ZNHIT6: variants seen among roughly 807,000 people sequenced by gnomAD.
ZNHIT6 encodes the protein box C/D snoRNA protein 1.
In ZNHIT6, 45 loss-of-function variants were observed where a neutral mutation model predicts 57.2. The observed-to-expected ratio is 0.79, with a 90% CI of 0.62 to 1.01. The LOEUF (loss-of-function observed/expected upper bound fraction) is 1.01. Ranked by LOEUF, ZNHIT6 falls within the 50% of genes least tolerant of loss-of-function variation. The probability of loss-of-function intolerance (pLI) is 0.00; values close to 1 mark genes in which losing one functional copy is unlikely to be tolerated. For synonymous variants in ZNHIT6, 188 were observed against 190.0 expected (o/e 0.99, Z 0.09); for missense variants, 528 against 567.3 (o/e 0.93, Z 0.70).
intron 8 of ZNHIT6, among the ~76,000 whole-genome samples, chr1:85,670,632 T>G (rs1360272439): frequency 6.6e-6 from 1 of 152,202 alleles, no homozygotes; most frequent in Non-Finnish European, 1.5e-5. Context: ...ATAAGTCAAA[T>G]TTATAGAAAC....
chr1:85,663,919 G>T (rs1488170856), intron 8 of ZNHIT6, among the ~76,000 whole-genome samples: 1 of 127,048 alleles, frequency 7.9e-6, no homozygotes, highest in East Asian at 2.4e-4. Flanking sequence ...CGGTGTAGGT[G>T]ATCCGTCTCT....
At chr1:85,660,081 A>G (rs1661182859) in intron 8 of ZNHIT6, among the ~76,000 whole-genome samples, 1 of 152,196 alleles carries the variant, frequency 6.6e-6, no homozygotes, top group Non-Finnish European at 1.5e-5. Flanking sequence ...TCTTTTAAAC[A>G]TTATTTCTCT....
At chr1:85,667,961 A>AAAAAAAAAAAAAAAAAAAAT in intron 8 of ZNHIT6, among the ~76,000 whole-genome samples, 4 of 18,202 alleles carry the variant, frequency 2.2e-4, no homozygotes, top group Non-Finnish European at 3.0e-4. Context: ...AAAAAAAAAA[A>AAAAAAAAAAAAAAAAAAAAT]ATATATATAT....
At chr1:85,667,961 A>AAAAAAAAAAAAATATATATATATATAT in intron 8 of ZNHIT6, among the ~76,000 whole-genome samples, 2 of 18,200 alleles carry the variant, frequency 1.1e-4, no homozygotes, top group African/African-American at 2.1e-4. Flanking sequence ...AAAAAAAAAA[A>AAAAAAAAAAAAATATATATATATATAT]ATATATATAT....
intron 5 of ZNHIT6, among the ~76,000 whole-genome samples, chr1:85,681,608 C>A (rs1407405410): frequency 6.6e-6 from 1 of 152,150 alleles, no homozygotes; most frequent in Non-Finnish European, 1.5e-5. Flanking sequence ...GAAGAAATTT[C>A]TAACAATCCA....
chr1:85,701,696 A>C (rs1662533142), intron 5 of ZNHIT6, among the ~76,000 whole-genome samples: 1 of 152,188 alleles, frequency 6.6e-6, no homozygotes, highest in Non-Finnish European at 1.5e-5. Context: ...GAAGCCCCTG[A>C]AATACTTTCT....
At position 85,657,946 on chromosome 1, in the gene ZNHIT6, T is replaced by G. The variant is rs774892198; in HGVS notation, c.1273A>C (p.Ser425Arg). 3.9e-5 allele frequency: 61 copies of G among 1,555,846 alleles called. No individual in the cohort carries two copies. Among genetic ancestry groups the G allele is most frequent in the Non-Finnish European group, 5.3e-5 (60 of 1,135,170 alleles). The change falls in exon 9 of 10, where the codon AGT (serine) becomes CGT (arginine). Residue 425 changes from serine (S) to arginine (R), a missense_variant. By Grantham distance (110) the Ser-to-Arg change is moderately radical. Transcript: ENST00000370574. ...VRYYELDPYK[S>R]LLDNLRNKVI... ...TTGTTCCTCAAATTGTCTAGGAGAC[T>G]TTTATAAGGATCTAGTTCATAATAT...
In ZNHIT6 at chr1:85,702,152, C is replaced by T; in HGVS notation, c.1019+5G>A. ...ACCTGATATACTAAAAAGTTAGAAACTTACTTCTTATCAAAAAAGGTTGAA... is the reference window on the plus strand; with the variant it reads ...ACCTGATATACTAAAAAGTTAGAAATTTACTTCTTATCAAAAAAGGTTGAA... On this transcript the variant is annotated splice_donor_5th_base_variant and intron_variant, in intron 5 of 9. Coordinates refer to ENST00000370574, the MANE Select transcript of ZNHIT6 (RefSeq NM_017953.4). 1 of 1,588,770 alleles carries T rather than the reference C, an allele frequency of 6.3e-7. No homozygotes were observed. The highest frequency in any genetic ancestry group is 8.6e-7 in the Non-Finnish European group (1 of 1,164,768).
intron 9 of ZNHIT6, among the ~76,000 whole-genome samples, chr1:85,655,387 A>G (rs1405781428): frequency 1.3e-5 from 2 of 152,180 alleles, no homozygotes; most frequent in Non-Finnish European, 2.9e-5. Flanking sequence ...AGACTGATAT[A>G]TGAGTAGCTG....
intron 8 of ZNHIT6, among the ~76,000 whole-genome samples, chr1:85,662,398 T>C (rs1049627530): frequency 2.6e-5 from 4 of 152,182 alleles, no homozygotes; most frequent in Non-Finnish European, 5.9e-5. Flanking sequence ...CTAAGATCCC[T>C]TCAGCTCTAA....
At chr1:85,674,753 C>T (rs1661655273) in intron 8 of ZNHIT6, among the ~76,000 whole-genome samples, 2 of 152,086 alleles carry the variant, frequency 1.3e-5, no homozygotes. Flanking sequence ...ATGTTTTAAG[C>T]CATGAGACCA....
chr1:85,660,340 G>C (rs1329468712), intron 8 of ZNHIT6, among the ~76,000 whole-genome samples: 1 of 152,030 alleles, frequency 6.6e-6, no homozygotes, highest in Non-Finnish European at 1.5e-5. Context: ...TCTAATGAAA[G>C]GCATTTTTCA....
chr1:85,689,979 A>AT (rs1172363909), intron 5 of ZNHIT6, among the ~76,000 whole-genome samples: 1 of 152,220 alleles, frequency 6.6e-6, no homozygotes, highest in African/African-American at 2.4e-5. Context: ...CATCTGTTTC[A>AT]TATTAACTGC....
At position 85,679,802 on chromosome 1, in the gene ZNHIT6, C is replaced by T. The variant is rs368573207; in HGVS notation, c.1089-1021G>A. 3.7e-4 allele frequency among the ~76,000 whole-genome samples: 56 copies of T among 152,234 alleles called. 1 individual carries two copies. In the South Asian group the frequency reaches 5.2e-3, roughly 14 times the overall value. On this transcript the variant is annotated intron_variant, in intron 6 of 9. Transcript: ENST00000370574. The stretch of plus-strand genomic sequence containing the variant: ...GTTTCACCATGTTGGCCAAGCTGGT[C>T]TCTAACTCCTGGCCAAAGGCAATCC...
At position 85,678,592 on chromosome 1, in the gene ZNHIT6, T is replaced by C. The variant is rs189717064; in HGVS notation, c.1169+109A>G. ...TTCAGTAAACACCAAGAAAATGTGATAGAAAGTAAATTGTACTACACATCA... is the reference window on the plus strand; with the variant it reads ...TTCAGTAAACACCAAGAAAATGTGACAGAAAGTAAATTGTACTACACATCA... On this transcript the variant is annotated intron_variant, in intron 7 of 9. Transcript: ENST00000370574. 6.9e-4 allele frequency: 502 copies of C among 729,622 alleles called. 1 individual carries two copies. The African/African-American group carries it at 7.7e-3, about 11-fold the overall frequency. 45.2% of individuals were successfully genotyped at this position (729,622 alleles called of 1,614,324 possible).
At chr1:85,698,910 T>C (rs1662454176) in intron 5 of ZNHIT6, among the ~76,000 whole-genome samples, 2 of 152,158 alleles carry the variant, frequency 1.3e-5, no homozygotes, top group South Asian at 4.1e-4. Flanking sequence ...GTGAAGGGAA[T>C]GTAAATTTTC....
rs1367890481 is a variant in ZNHIT6, at chr1:85,657,942, A to T, written c.1277T>A (p.Leu426His). ...CACTTTGTTCCTCAAATTGTCTAGG[A>T]GACTTTTATAAGGATCTAGTTCATA... ...RYYELDPYKS[L>H]LDNLRNKVII... Residue 426 changes from leucine to histidine, a missense_variant, in exon 9 of 10, where the codon CTC (leucine) becomes CAC (histidine). Leu to His is a moderately conservative substitution (Grantham distance 99). Transcript: ENST00000370574. The T allele has an allele frequency of 6.4e-7, 1 of 1,567,340 alleles. No individual in the cohort carries two copies. The highest frequency in any genetic ancestry group is 8.7e-7 in the Non-Finnish European group (1 of 1,143,150).
At chr1:85,704,239 A>G (rs1662616011) in intron 4 of ZNHIT6, among the ~76,000 whole-genome samples, 1 of 152,246 alleles carries the variant, frequency 6.6e-6, no homozygotes, top group Non-Finnish European at 1.5e-5. Context: ...GAAGATATGC[A>G]TACCACACAA....
At chr1:85,687,600 A>G (rs1395877396) in intron 5 of ZNHIT6, among the ~76,000 whole-genome samples, 2 of 152,124 alleles carry the variant, frequency 1.3e-5, no homozygotes, top group African/African-American at 2.4e-5. Flanking sequence ...AACTCTCCTA[A>G]TAAGTGTTTC....
Sources: allele counts gnomAD v4.1 joint callset (sites outside exome capture counted in the v4.1 genomes callset), GRCh38; gene constraint gnomAD v4.1.1; transcripts MANE v1.5; gene names NCBI Gene and HGNC (gene_info 2026-07-23, HGNC 2026-07-21).